Variants in MAD1L1 observed in about 807,000 individuals in gnomAD.
MAD1L1 encodes the protein mitotic spindle assembly checkpoint protein MAD1.
A neutral mutation model predicts 96.9 loss-of-function variants in MAD1L1; 95 were observed. The ratio of observed to expected loss-of-function variants is 0.98; its 90% confidence interval spans 0.83 to 1.16. MAD1L1 has a LOEUF of 1.16. MAD1L1 is among the 50% of genes most tolerant of loss of function. The probability of loss-of-function intolerance (pLI) is 0.00; values close to 1 mark genes in which losing one functional copy is unlikely to be tolerated. For missense variants in MAD1L1, 1,007 were observed against 954.4 expected, an observed-to-expected ratio of 1.06 and a Z score of -0.73; for synonymous variants, 473 against 396.6, an observed-to-expected ratio of 1.19 and a Z score of -2.29.
intron 4 of MAD1L1, among the ~76,000 whole-genome samples, chr7:2,224,602 G>A (rs962488091): frequency 6.6e-6 from 1 of 152,172 alleles, no homozygotes; most frequent in African/African-American, 2.4e-5. Flanking sequence ...TACACCGCAT[G>A]ATGTCAGGGC....
chr7:2,097,074 C>T (rs966790780), intron 11 of MAD1L1, among the ~76,000 whole-genome samples: 5 of 152,132 alleles, frequency 3.3e-5, no homozygotes, highest in African/African-American at 1.2e-4. Flanking sequence ...AGCTGCAAGG[C>T]GGGAGATGTG....
At chr7:2,126,328 G>A (rs1290459168) in intron 11 of MAD1L1, among the ~76,000 whole-genome samples, 1 of 152,194 alleles carries the variant, frequency 6.6e-6, no homozygotes, top group Non-Finnish European at 1.5e-5. Context: ...AACAAGGGCA[G>A]CTTCGAATTC....
chr7:1,959,487 A>T (rs1476038059), intron 15 of MAD1L1, among the ~76,000 whole-genome samples: 1 of 152,208 alleles, frequency 6.6e-6, no homozygotes, highest in Non-Finnish European at 1.5e-5. Flanking sequence ...CAAGGAACAC[A>T]GGCCCAGGAA....
At chr7:2,063,425 G>A (rs1008545902) in intron 12 of MAD1L1, among the ~76,000 whole-genome samples, 3 of 152,228 alleles carry the variant, frequency 2.0e-5, no homozygotes, top group Non-Finnish European at 4.4e-5. Flanking sequence ...CACTCAGCTG[G>A]AGGAACAGCG....
At chr7:2,136,286 G>C (rs1788747557) in intron 11 of MAD1L1, among the ~76,000 whole-genome samples, 1 of 152,162 alleles carries the variant, frequency 6.6e-6, no homozygotes, top group African/African-American at 2.4e-5. Flanking sequence ...GTGGTGAGAG[G>C]GCACAGGCTT....
At chr7:2,076,484 G>A (rs935978670) in intron 11 of MAD1L1, among the ~76,000 whole-genome samples, 4 of 152,232 alleles carry the variant, frequency 2.6e-5, no homozygotes, top group South Asian at 2.1e-4. Context: ...AGAAACGGAC[G>A]TCTGTTCAGA....
In MAD1L1 at chr7:2,088,761, C is replaced by G. The variant is rs1204419449; in HGVS notation, c.1074-19423G>C. The G allele has an allele frequency of 6.6e-6, 1 of 152,458 alleles. No homozygotes were observed. The highest frequency in any genetic ancestry group is 1.9e-4 in the East Asian group (1 of 5,198). 9.4% of individuals were successfully genotyped at this position (152,458 alleles called of 1,614,324 possible). On this transcript the variant is annotated intron_variant, in intron 11 of 18. Coordinates refer to ENST00000265854, the MANE Select transcript of MAD1L1 (RefSeq NM_001013836.2). The surrounding 1 kb of genome is among the most constrained non-coding windows in gnomAD (Gnocchi z 4.4). ...ACCTAGACGCCCTCAACTCCATTTC[C>G]TGGGTGCCCCAAAGCACACACCAGA...
intron 16 of MAD1L1, among the ~76,000 whole-genome samples, chr7:1,941,419 G>A (rs1002998455): frequency 6.6e-6 from 1 of 152,240 alleles, no homozygotes; most frequent in African/African-American, 2.4e-5. Flanking sequence ...AAAAGCCCAA[G>A]CCAGTAGAGA....
At chr7:1,947,857 C>G (rs1583884710) in intron 16 of MAD1L1, among the ~76,000 whole-genome samples, 2 of 152,204 alleles carry the variant, frequency 1.3e-5, no homozygotes, top group Admixed American at 1.3e-4. Context: ...ACACACCTGT[C>G]GCCGAGGGGC....
At chr7:1,937,505 T>G (rs989090121) in intron 16 of MAD1L1, among the ~76,000 whole-genome samples, 1 of 152,080 alleles carries the variant, frequency 6.6e-6, no homozygotes, top group Non-Finnish European at 1.5e-5. Flanking sequence ...TGCTGACCTG[T>G]GGTGGGTGAC....
chr7:2,056,847 G>A (rs1217802865), intron 12 of MAD1L1, among the ~76,000 whole-genome samples: 1 of 152,224 alleles, frequency 6.6e-6, no homozygotes, highest in Non-Finnish European at 1.5e-5. Flanking sequence ...TCTTCCCACT[G>A]CACCACGACC....
At chr7:1,859,758 C>A (rs967243520) in intron 18 of MAD1L1, among the ~76,000 whole-genome samples, 1 of 151,616 alleles carries the variant, frequency 6.6e-6, no homozygotes, top group Non-Finnish European at 1.5e-5. Context: ...GGCCTCTGTT[C>A]CCTAGACCTG....
At chr7:2,154,810 C>T (rs2128583843) in intron 10 of MAD1L1, among the ~76,000 whole-genome samples, 1 of 152,148 alleles carries the variant, frequency 6.6e-6, no homozygotes, top group South Asian at 2.1e-4. Flanking sequence ...CAAAGGAGGT[C>T]CCATCAAGAA....
chr7:1,858,982 C>A (rs910653988), intron 18 of MAD1L1, among the ~76,000 whole-genome samples: 2 of 152,218 alleles, frequency 1.3e-5, no homozygotes, highest in African/African-American at 2.4e-5. Flanking sequence ...CCAGACACAG[C>A]TCAGATCTGG....
rs1261745058 is a variant in MAD1L1 at position 2,088,981 on chromosome 7, G to C, written c.1074-19643C>G. On this transcript the variant is annotated intron_variant, in intron 11 of 18. Transcript: ENST00000265854. The surrounding 1 kb of genome is among the most constrained non-coding windows in gnomAD (Gnocchi z 4.4). The stretch of plus-strand genomic sequence containing the variant: ...TCACCCGGTGGCTGCCATGAGCCAG[G>C]ACAGGCTATTCATTCTGCCCCACTC... 2 of 152,276 alleles carry C rather than the reference G, an allele frequency of 1.3e-5. No individual in the cohort carries two copies. Among genetic ancestry groups the C allele is most frequent in the African/African-American group, 4.8e-5 (2 of 41,454 alleles). The allele number at this position is 152,276 out of a possible 1,614,324, so 9.4% of individuals were successfully genotyped here.
intron 14 of MAD1L1, among the ~76,000 whole-genome samples, chr7:2,001,172 G>A (rs538405109): frequency 5.9e-4 from 90 of 152,368 alleles, no homozygotes; most frequent in African/African-American, 2.1e-3. Flanking sequence ...AAGGATGCCC[G>A]ACGGGAGCCT....
intron 10 of MAD1L1, among the ~76,000 whole-genome samples, chr7:2,160,287 C>A (rs1460328993): frequency 6.7e-6 from 1 of 149,726 alleles, no homozygotes; most frequent in Non-Finnish European, 1.5e-5. Context: ...TGGCCTCCTG[C>A]TGGAGAACAA....
Position 1,815,907 on chromosome 7 carries a change from C to T in MAD1L1, c.*163G>A. 2 of 824,938 alleles carry T rather than the reference C, an allele frequency of 2.4e-6. No individual in the cohort carries two copies. The highest frequency in any genetic ancestry group is 1.7e-5 in the African/African-American group (1 of 57,734). The allele number at this position is 824,938 out of a possible 1,614,324, so 51.1% of individuals were successfully genotyped here. ...TGCACGTGGAGAGGGTGCTGGCCGC[C>T]CCAGCAGGAAGCCCGACGTAGGTCC... On this transcript the variant is annotated 3_prime_UTR_variant, in exon 19 of 19. Coordinates refer to ENST00000265854, the MANE Select transcript of MAD1L1 (RefSeq NM_001013836.2).
chr7:1,897,686 G>A (rs1367634765), intron 18 of MAD1L1, among the ~76,000 whole-genome samples: 1 of 152,264 alleles, frequency 6.6e-6, no homozygotes, highest in Non-Finnish European at 1.5e-5. Flanking sequence ...CCAGAAGAGC[G>A]CCTGCTGGCT....
Sources: gnomAD v4.1 joint callset for allele counts (sites outside exome capture counted in the v4.1 genomes callset) on GRCh38, gnomAD v4.1.1 for gene constraint, Gnocchi (gnomAD v3.1) non-coding constraint, MANE v1.5 for transcripts, NCBI Gene and HGNC (gene_info 2026-07-23, HGNC 2026-07-21) for gene names.